NTM: variants seen among roughly 807,000 people sequenced by gnomAD.
NTM encodes the protein IgLON family member 2.
A neutral mutation model predicts 42.1 loss-of-function variants in NTM; 13 were observed. That is an observed-to-expected ratio of 0.31 (90% CI 0.20 to 0.49). The LOEUF (loss-of-function observed/expected upper bound fraction) is 0.49, where lower values mean the gene tolerates loss of function less well. NTM is among the 20% of genes least tolerant of loss of function. The pLI, the probability that NTM is intolerant of heterozygous loss-of-function variation, is 0.99. For missense variants in NTM, 373 were observed against 452.8 expected (o/e 0.82, Z 1.60); for synonymous variants, 187 against 179.2 (o/e 1.04, Z -0.35).
At chr11:131,760,413 C>T (rs564353533) in intron 1 of NTM, among the ~76,000 whole-genome samples, 19 of 152,268 alleles carry the variant, frequency 1.2e-4, no homozygotes, top group African/African-American at 4.6e-4. Flanking sequence ...TCCAAGGCTT[C>T]AGTGGGATTT....
intron 2 of NTM, among the ~76,000 whole-genome samples, chr11:132,075,555 A>C (rs1244149740): frequency 6.6e-6 from 1 of 152,188 alleles, no homozygotes; most frequent in Non-Finnish European, 1.5e-5. Context: ...GTAGCAAGAA[A>C]ATTTCTGATG....
At chr11:132,113,813 C>G (rs1050385025) in intron 2 of NTM, among the ~76,000 whole-genome samples, 1 of 152,110 alleles carries the variant, frequency 6.6e-6, no homozygotes, top group Non-Finnish European at 1.5e-5. Flanking sequence ...CTTTCCAAGC[C>G]CTGGGAGGAC....
chr11:132,319,576 C>T (rs1044405019), intron 7 of NTM, among the ~76,000 whole-genome samples: 6 of 152,330 alleles, frequency 3.9e-5, no homozygotes, highest in Non-Finnish European at 7.3e-5. Context: ...GGGGGAGGGG[C>T]GCCTGCCATT....
chr11:132,156,420 C>T (rs963598990), intron 3 of NTM, among the ~76,000 whole-genome samples: 5 of 152,214 alleles, frequency 3.3e-5, no homozygotes, highest in Non-Finnish European at 7.3e-5. Context: ...CCATAGAGAA[C>T]TTTCCCAGAC....
intron 2 of NTM, among the ~76,000 whole-genome samples, chr11:132,096,674 C>T (rs141299986): frequency 3.0e-4 from 46 of 152,346 alleles, no homozygotes; most frequent in Non-Finnish European, 5.1e-4. Flanking sequence ...AGGCTCCGCT[C>T]GGCCAGCAGA....
chr11:132,108,966 G>A (rs1252351164), intron 2 of NTM, among the ~76,000 whole-genome samples: 1 of 152,082 alleles, frequency 6.6e-6, no homozygotes, highest in East Asian at 1.9e-4. Flanking sequence ...TTGGTTTTCT[G>A]TTCTTCTGTT....
At chr11:132,256,229 T>C (rs1447265907) in intron 4 of NTM, among the ~76,000 whole-genome samples, 3 of 152,252 alleles carry the variant, frequency 2.0e-5, no homozygotes, top group African/African-American at 4.8e-5. Context: ...ATTTTCCAAA[T>C]CCCAGTGTGG....
At position 132,165,200 on chromosome 11, in the gene NTM, A is replaced by C. The variant is rs113185706; in HGVS notation, c.400+18686A>C. Among the ~76,000 whole-genome samples the C allele has an allele frequency of 6.6e-5, 10 of 152,308 alleles. 2 individuals carry two copies. The highest frequency in any genetic ancestry group is 2.4e-4 in the African/African-American group (10 of 41,572). ...GCACAATGTATTCAAAATTAAACAA[A>C]TCATCTTGCCCCACCTCCCTTACCA... On this transcript the variant is annotated intron_variant, in intron 3 of 8. Coordinates refer to ENST00000683400, the MANE Select transcript of NTM (RefSeq NM_001352005.2).
intron 1 of NTM, among the ~76,000 whole-genome samples, chr11:131,551,421 C>CAAA (rs543963237): frequency 5.7e-5 from 5 of 87,078 alleles, no homozygotes; most frequent in African/African-American, 1.6e-4. Context: ...GAGGTTCCTC[C>CAAA]AAAAAAAAAA....
chr11:132,232,589 G>A (rs2087843964), intron 4 of NTM, among the ~76,000 whole-genome samples: 1 of 152,220 alleles, frequency 6.6e-6, no homozygotes, highest in Non-Finnish European at 1.5e-5. Flanking sequence ...CTAAGTGGGT[G>A]ACTCTTAACA....
chr11:131,788,645 G>A (rs2089657723), intron 1 of NTM, among the ~76,000 whole-genome samples: 1 of 152,020 alleles, frequency 6.6e-6, no homozygotes, highest in African/African-American at 2.4e-5. Flanking sequence ...CAAAATGCCC[G>A]ATTTCCTTTC....
At chr11:131,891,273 C>T (rs372216274) in intron 1 of NTM, among the ~76,000 whole-genome samples, 35 of 152,206 alleles carry the variant, frequency 2.3e-4, no homozygotes, top group Non-Finnish European at 4.7e-4. Context: ...CTCACTGGGA[C>T]GACCAAAAGA....
chr11:131,674,379 C>T (rs986251456), intron 1 of NTM, among the ~76,000 whole-genome samples: 1 of 152,218 alleles, frequency 6.6e-6, no homozygotes, highest in African/African-American at 2.4e-5. Flanking sequence ...TCCTAAAGCT[C>T]AGTTTGGTGT....
At chr11:131,401,529 T>C (rs1375635932) in intron 1 of NTM, among the ~76,000 whole-genome samples, 1 of 151,818 alleles carries the variant, frequency 6.6e-6, no homozygotes, top group African/African-American at 2.4e-5. Flanking sequence ...TAGTAGATAC[T>C]CAGTAAAGAC....
chr11:132,317,443 G>A (rs2095458765), intron 7 of NTM, among the ~76,000 whole-genome samples: 2 of 152,134 alleles, frequency 1.3e-5, no homozygotes, highest in South Asian at 2.1e-4. Flanking sequence ...CCCAGTCACG[G>A]CATTCAATAT....
At chr11:132,222,763 C>G (rs1331378615) in intron 4 of NTM, among the ~76,000 whole-genome samples, 5 of 152,174 alleles carry the variant, frequency 3.3e-5, no homozygotes, top group African/African-American at 4.8e-5. Context: ...CCTCACCCCC[C>G]ACGCACCCCA....
At chr11:132,082,187 T>C (rs919146217) in intron 2 of NTM, among the ~76,000 whole-genome samples, 6 of 151,922 alleles carry the variant, frequency 3.9e-5, no homozygotes, top group Admixed American at 6.6e-5. Flanking sequence ...TGCAGAATTT[T>C]CCCCCCTTTG....
rs187066855 is a variant in NTM at position 131,875,600 on chromosome 11, G to A, written c.83-35964G>A. The stretch of plus-strand genomic sequence containing the variant: ...AAGGAAATCAGAGACGCCTTTTGTA[G>A]CATTGTGAAATGTCATGGATTTTAA... On this transcript the variant is annotated intron_variant, in intron 1 of 8. Transcript: ENST00000683400. Among the ~76,000 whole-genome samples, 7 of 152,368 alleles carry A rather than the reference G, an allele frequency of 4.6e-5. No individual in the cohort carries two copies. In the East Asian group the frequency reaches 1.2e-3, roughly 25 times the overall value.
At chr11:132,094,266 C>G (rs976417234) in intron 2 of NTM, among the ~76,000 whole-genome samples, 1 of 152,124 alleles carries the variant, frequency 6.6e-6, no homozygotes, top group Admixed American at 6.6e-5. Flanking sequence ...TATTGATTTG[C>G]TGGCTGGATG....
Sources: allele counts gnomAD v4.1 joint callset (sites outside exome capture counted in the v4.1 genomes callset), GRCh38; gene constraint gnomAD v4.1.1; transcripts MANE v1.5; gene names NCBI Gene and HGNC (gene_info 2026-07-23, HGNC 2026-07-21).